GLRA3: variants seen among roughly 807,000 people sequenced by gnomAD.
GLRA3 encodes the protein glycine receptor alpha 3.
A neutral mutation model predicts 60.4 loss-of-function variants in GLRA3; 44 were observed. The ratio of observed to expected loss-of-function variants is 0.73; its 90% CI spans 0.57 to 0.94. The LOEUF is 0.94. GLRA3 is among the 40% of genes least tolerant of loss of function. GLRA3 has a pLI of 0.00. For missense variants in GLRA3, 508 were observed against 564.6 expected, an observed-to-expected ratio of 0.90 and a Z score of 1.02; for synonymous variants, 223 against 192.9, an observed-to-expected ratio of 1.16 and a Z score of -1.29.
At chr4:174,653,891 G>A (rs1733106381) in intron 9 of GLRA3, among the ~76,000 whole-genome samples, 1 of 152,028 alleles carries the variant, frequency 6.6e-6, no homozygotes, top group African/African-American at 2.4e-5. Context: ...ATAGCTATAA[G>A]AAATAGCTGC....
intron 5 of GLRA3, among the ~76,000 whole-genome samples, chr4:174,688,741 A>G (rs761210965): frequency 2.6e-5 from 4 of 151,912 alleles, no homozygotes; most frequent in Non-Finnish European, 4.4e-5. Context: ...GATATTGGAA[A>G]TGAGTTTAGG....
Position 174,642,508 on chromosome 4 carries a change from T to C in GLRA3, c.*1278A>G, listed in dbSNP as rs1291739340. The C allele has an allele frequency of 2.1e-6, 2 of 974,964 alleles. No individual in the cohort carries two copies. The highest frequency in any genetic ancestry group is 2.4e-6 in the Non-Finnish European group (2 of 820,608). The allele number at this position is 974,964 out of a possible 1,614,324, so 60.4% of individuals were successfully genotyped here. On this transcript the variant is annotated 3_prime_UTR_variant, in exon 10 of 10. Coordinates refer to ENST00000274093, the MANE Select transcript of GLRA3 (RefSeq NM_006529.4). The stretch of plus-strand genomic sequence containing the variant: ...GAGTCTGGTTCTGTTTACCAAGAAC[T>C]CTATCATACATTTGCACCCAATTAC...
chr4:174,706,515 C>A (rs183874165), intron 5 of GLRA3, among the ~76,000 whole-genome samples: 1 of 152,014 alleles, frequency 6.6e-6, no homozygotes. Context: ...ACATTGAAAC[C>A]AAAAGTAACA....
intron 7 of GLRA3, among the ~76,000 whole-genome samples, chr4:174,666,761 A>ATATATATATATATATATATAT (rs1561042413): frequency 2.5e-4 from 18 of 72,344 alleles, no homozygotes; most frequent in African/African-American, 1.8e-3. Flanking sequence ...TATATATATT[A>ATATATATATATATATATATAT]TATATATATA....
In GLRA3 at chr4:174,637,559, G is replaced by A. The variant is rs983260711; in HGVS notation, c.*6227C>T. The A allele has an allele frequency of 1.3e-5, 2 of 152,066 alleles. No individual in the cohort carries two copies. Among genetic ancestry groups the A allele is most frequent in the Non-Finnish European group, 2.9e-5 (2 of 67,968 alleles). 9.4% of individuals were successfully genotyped at this position (152,066 alleles called of 1,614,324 possible). A position where few individuals can be genotyped will look rare whatever the true frequency, so the allele number is the denominator to read the frequency against. On this transcript the variant is annotated 3_prime_UTR_variant, in exon 10 of 10. Transcript: ENST00000274093. ...ACAGCTCCCTAGTATTAACCACCCA[G>A]GCTGGATACTGTGTATGTGAGCGGG...
chr4:174,711,395 G>T (rs1735712737), intron 5 of GLRA3, among the ~76,000 whole-genome samples: 1 of 149,358 alleles, frequency 6.7e-6, no homozygotes, highest in Non-Finnish European at 1.5e-5. Context: ...ATTATATTTA[G>T]AAGTTATATG....
intron 4 of GLRA3, among the ~76,000 whole-genome samples, chr4:174,727,008 T>A (rs183250466): frequency 5.6e-4 from 85 of 152,288 alleles, no homozygotes; most frequent in Middle Eastern, 3.4e-3. Context: ...TAGCAGTTAA[T>A]CACTTAAGAT....
intron 2 of GLRA3, among the ~76,000 whole-genome samples, chr4:174,788,056 G>A (rs1202067039): frequency 6.6e-6 from 1 of 151,614 alleles, no homozygotes; most frequent in Admixed American, 6.6e-5. Flanking sequence ...CATGAAAAAA[G>A]TGTATGTTCT....
chr4:174,811,557 T>C (rs1410540193), intron 1 of GLRA3, among the ~76,000 whole-genome samples: 3 of 152,160 alleles, frequency 2.0e-5, no homozygotes, highest in Non-Finnish European at 4.4e-5. Flanking sequence ...TTATAGGCCA[T>C]AGGTTATATC....
Position 174,642,654 on chromosome 4 carries a change from T to C in GLRA3, c.*1132A>G. On this transcript the variant is annotated 3_prime_UTR_variant, in exon 10 of 10. Transcript: ENST00000274093. ...CACATCTTGCGAATGGCTTAGATTT[T>C]GAAATCATTAATTCAGAAATAGAAA... is the stretch of plus-strand genomic sequence containing the variant. The C allele has an allele frequency of 1.2e-6, 1 of 805,416 alleles. No individual in the cohort carries two copies. Among genetic ancestry groups the C allele is most frequent in the Non-Finnish European group, 1.5e-6 (1 of 665,886 alleles). 49.9% of individuals were successfully genotyped at this position (805,416 alleles called of 1,614,324 possible).
chr4:174,653,861 T>G (rs1733105197), intron 9 of GLRA3, among the ~76,000 whole-genome samples: 1 of 152,076 alleles, frequency 6.6e-6, no homozygotes, highest in Admixed American at 6.6e-5. Context: ...ATTATTTTCC[T>G]GAACAGATTT....
chr4:174,814,388 G>A (rs1191138837), intron 1 of GLRA3, among the ~76,000 whole-genome samples: 1 of 152,172 alleles, frequency 6.6e-6, no homozygotes, highest in Non-Finnish European at 1.5e-5. Context: ...TTTCTTCAAA[G>A]TTCCACTGTC....
At chr4:174,823,126 T>G (rs1328839476) in intron 1 of GLRA3, among the ~76,000 whole-genome samples, 2 of 152,202 alleles carry the variant, frequency 1.3e-5, no homozygotes, top group African/African-American at 4.8e-5. Context: ...TTTGAATTTC[T>G]GCCTGCACTC....
chr4:174,671,612 CTTAAT>C (rs1444819938), intron 7 of GLRA3, among the ~76,000 whole-genome samples: 3 of 150,038 alleles, frequency 2.0e-5, no homozygotes, highest in African/African-American at 5.1e-5. Flanking sequence ...AGAATGAAAA[CTTAAT>C]ATAATATAAA....
At chr4:174,818,548 T>G (rs934491614) in intron 1 of GLRA3, among the ~76,000 whole-genome samples, 12 of 152,210 alleles carry the variant, frequency 7.9e-5, no homozygotes, top group Non-Finnish European at 1.8e-4. Flanking sequence ...GCAGAGTCAA[T>G]GACTTTGATG....
chr4:174,797,729 TG>T (rs1561125750), intron 1 of GLRA3, among the ~76,000 whole-genome samples: 1 of 152,034 alleles, frequency 6.6e-6, no homozygotes, highest in Admixed American at 6.6e-5. Context: ...TCCAGGAGTT[TG>T]AGACCAGCCT....
chr4:174,643,390 G>C lies in GLRA3; in HGVS notation c.*396C>G. Reference sequence around the variant, plus strand: ...AAATAGTTTTAAATCTCAAACTATTGGTTTACTGTGCAAAATTTGCTTTTG... The same window carrying C: ...AAATAGTTTTAAATCTCAAACTATTCGTTTACTGTGCAAAATTTGCTTTTG... On this transcript the variant is annotated 3_prime_UTR_variant, in exon 10 of 10. Coordinates refer to ENST00000274093, the MANE Select transcript of GLRA3 (RefSeq NM_006529.4). 1 of 326,694 alleles carries C rather than the reference G, an allele frequency of 3.1e-6. No individual in the cohort carries two copies. Among genetic ancestry groups the C allele is most frequent in the Non-Finnish European group, 3.4e-6 (1 of 293,518 alleles). The allele number at this position is 326,694 out of a possible 1,614,324, so 20.2% of individuals were successfully genotyped here.
intron 9 of GLRA3, among the ~76,000 whole-genome samples, chr4:174,645,433 A>AG (rs1175298554): frequency 6.6e-6 from 1 of 151,602 alleles, no homozygotes; most frequent in African/African-American, 2.4e-5. Context: ...AAAAAAAAAA[A>AG]AAAAAGAAAA....
intron 1 of GLRA3, among the ~76,000 whole-genome samples, chr4:174,808,431 C>A (rs1560811343): frequency 2.0e-5 from 3 of 151,970 alleles, no homozygotes; most frequent in Non-Finnish European, 2.9e-5. Flanking sequence ...ACAGCATTGC[C>A]AGTCATATAA....
Sources: allele counts gnomAD v4.1 joint callset (sites outside exome capture counted in the v4.1 genomes callset), GRCh38; gene constraint gnomAD v4.1.1; transcripts MANE v1.5; gene names NCBI Gene and HGNC (gene_info 2026-07-23, HGNC 2026-07-21).